SYT7: variants seen among roughly 807,000 people sequenced by gnomAD.
SYT7 encodes synaptotagmin 7.
SYT7 carries 29 observed loss-of-function variants against 75.1 expected under a neutral mutation model. The observed-to-expected ratio is 0.39, with a 90% CI of 0.29 to 0.53. SYT7 has a LOEUF of 0.53. Among genes scored for constraint, SYT7 ranks in the 20% least tolerant of loss-of-function variants. The pLI, the probability that SYT7 is intolerant of heterozygous loss-of-function variation, is 0.77. For synonymous variants in SYT7, 376 were observed against 401.7 expected (o/e 0.94, Z 0.76); for missense variants, 693 against 953.2 (o/e 0.73, Z 3.59).
At chr11:61,519,262 G>A (rs2062235606) in intron 12 of SYT7, among the ~76,000 whole-genome samples, 1 of 152,252 alleles carries the variant, frequency 6.6e-6, no homozygotes, top group African/African-American at 2.4e-5. Context: ...GTTTATAAGT[G>A]GTGCAGAGGG....
rs773040561 is a variant in SYT7, at chr11:61,546,689, G to A, written c.348-434C>T. Reference sequence around the variant, plus strand: ...CCAGGCCAGGAGGCCCCAAGGCAGGGAGAAAGAGAAAGCCGTGTTAGTCAG... The same window carrying A: ...CCAGGCCAGGAGGCCCCAAGGCAGGAAGAAAGAGAAAGCCGTGTTAGTCAG... On this transcript the variant is annotated intron_variant, in intron 4 of 12. Transcript: ENST00000539008. This position sits in a 1 kb window ranked among gnomAD's most constrained non-coding sequence, Gnocchi z 7.6. 4.4e-6 allele frequency: 2 copies of A among 459,552 alleles called. No individual in the cohort carries two copies. The highest frequency in any genetic ancestry group is 8.7e-6 in the Non-Finnish European group (2 of 229,582). The allele number at this position is 459,552 out of a possible 1,614,324, so 28.5% of individuals were successfully genotyped here.
chr11:61,551,461 G>A lies in SYT7; in HGVS notation c.138C>T (p.Gly46=), dbSNP rs753960114. 5 of 1,613,710 alleles carry A rather than the reference G, an allele frequency of 3.1e-6. No homozygotes were observed. In the South Asian group the frequency reaches 4.4e-5, roughly 14 times the overall value. ...TCTCCAAGGAATTCTTGTAGCGTTTGCCCTGTGGAGATAGCACTAGGATCA... is the reference window on the plus strand; with the variant it reads ...TCTCCAAGGAATTCTTGTAGCGTTTACCCTGTGGAGATAGCACTAGGATCA... ...GLCHWCQRKL[G]KRYKNSLETV... Residue 46 remains glycine (G), a splice_region_variant and synonymous_variant, in exon 3 of 13, where the codon GGC becomes GGT. Coordinates refer to ENST00000539008, the MANE Select transcript of SYT7 (RefSeq NM_001365809.2). The surrounding 1 kb of genome is among the most constrained non-coding windows in gnomAD (Gnocchi z 5.3).
In SYT7 at chr11:61,551,516, A is replaced by G; in HGVS notation, c.136-53T>C. The G allele has an allele frequency of 6.4e-7, 1 of 1,563,066 alleles. No individual in the cohort carries two copies. Among genetic ancestry groups the G allele is most frequent in the East Asian group, 2.2e-5 (1 of 44,540 alleles). On this transcript the variant is annotated intron_variant, in intron 2 of 12. Transcript: ENST00000539008. The surrounding 1 kb of genome is among the most constrained non-coding windows in gnomAD (Gnocchi z 5.3). Reference sequence around the variant, plus strand: ...TGGGGAACAGGACTGTACCCTCCCTACCTCCCCAGAACAGGGACCCGGAGG... The same window carrying G: ...TGGGGAACAGGACTGTACCCTCCCTGCCTCCCCAGAACAGGGACCCGGAGG...
intron 9 of SYT7, chr11:61,526,139 G>A (rs572785504): frequency 1.3e-5 from 2 of 152,368 alleles, no homozygotes; most frequent in South Asian, 2.1e-4. Flanking sequence ...AGAGACTCTG[G>A]AAGCACCGAG....
intron 4 of SYT7, 65 bp downstream of exon 4, chr11:61,547,112 G>T: frequency 6.6e-7 from 1 of 1,511,328 alleles, no homozygotes; most frequent in Non-Finnish European, 8.8e-7. Flanking sequence ...GTGGGGGCAG[G>T]AGGAGGGAAG....
At chr11:61,577,854 C>A (rs1413423584) in intron 1 of SYT7, among the ~76,000 whole-genome samples, 1 of 152,206 alleles carries the variant, frequency 6.6e-6, no homozygotes. Flanking sequence ...TACCAGCTCA[C>A]TGCAAGGTCA....
At position 61,517,193 on chromosome 11, in the gene SYT7, C is replaced by A. The variant is rs959829857; in HGVS notation, c.*1434G>T. 3 of 398,412 alleles carry A rather than the reference C, an allele frequency of 7.5e-6. No individual in the cohort carries two copies. The highest frequency in any genetic ancestry group is 1.3e-5 in the Non-Finnish European group (3 of 226,054). 24.7% of individuals were successfully genotyped at this position (398,412 alleles called of 1,614,324 possible). Reference sequence around the variant, plus strand: ...TCACCAGCTGGGTCTTGTATCAATACCAGGACCAGCGTGGGGATGAGAGGG... The same window carrying A: ...TCACCAGCTGGGTCTTGTATCAATAACAGGACCAGCGTGGGGATGAGAGGG... On this transcript the variant is annotated 3_prime_UTR_variant, in exon 13 of 13. Coordinates refer to ENST00000539008, the MANE Select transcript of SYT7 (RefSeq NM_001365809.2).
intron 7 of SYT7, among the ~76,000 whole-genome samples, chr11:61,534,143 C>T (rs916467647): frequency 6.6e-6 from 1 of 152,248 alleles, no homozygotes. Context: ...GAGGAGGAGA[C>T]GGGGGACCAG....
intron 1 of SYT7, among the ~76,000 whole-genome samples, chr11:61,563,533 G>A (rs149802328): frequency 2.6e-5 from 4 of 152,314 alleles, no homozygotes; most frequent in East Asian, 1.9e-4. Context: ...GGGAATAATA[G>A]GTGCTTGAGC....
chr11:61,529,083 C>G (rs1163556437), intron 8 of SYT7, among the ~76,000 whole-genome samples: 2 of 152,130 alleles, frequency 1.3e-5, no homozygotes, highest in African/African-American at 4.8e-5. Context: ...CTACCCACCC[C>G]CCAGCCGCCT....
chr11:61,539,131 A>C (rs1565181122), intron 6 of SYT7, among the ~76,000 whole-genome samples: 2 of 152,320 alleles, frequency 1.3e-5, no homozygotes, highest in East Asian at 3.9e-4. Flanking sequence ...AAAGTGCAGG[A>C]ACTTGGCAAG....
chr11:61,562,677 C>G (rs977400663), intron 1 of SYT7, among the ~76,000 whole-genome samples: 12 of 152,146 alleles, frequency 7.9e-5, no homozygotes, highest in Non-Finnish European at 1.8e-4. Context: ...CTCCCAGGAC[C>G]TGCAGGGCTT....
chr11:61,546,348 A>C lies in SYT7; in HGVS notation c.348-93T>G. Reference sequence around the variant, plus strand: ...GCCATACGTGGGGGTCGGGGGGTGGAAGAGGAAGAAAAACAATAACAGATA... The same window carrying C: ...GCCATACGTGGGGGTCGGGGGGTGGCAGAGGAAGAAAAACAATAACAGATA... On this transcript the variant is annotated intron_variant, in intron 4 of 12. Coordinates refer to ENST00000539008, the MANE Select transcript of SYT7 (RefSeq NM_001365809.2). This position sits in a 1 kb window ranked among gnomAD's most constrained non-coding sequence, Gnocchi z 7.6. 2.5e-6 allele frequency: 2 copies of C among 784,404 alleles called. No individual in the cohort carries two copies. The highest frequency in any genetic ancestry group is 3.8e-6 in the Non-Finnish European group (2 of 521,016). The allele number at this position is 784,404 out of a possible 1,614,324, so 48.6% of individuals were successfully genotyped here. A position where few individuals can be genotyped will look rare whatever the true frequency, so the allele number is the denominator to read the frequency against.
rs556181234 is a variant in SYT7, at chr11:61,574,264, CCAT to C, written c.31+6523_31+6525del. Among the ~76,000 whole-genome samples, 753 of 152,272 alleles carry C rather than the reference CCAT, an allele frequency of 4.9e-3. 3 individuals carry two copies. The highest frequency in any genetic ancestry group is 8.0e-3 in the Non-Finnish European group (543 of 68,034). On this transcript the variant is annotated intron_variant, in intron 1 of 12. Coordinates refer to ENST00000539008, the MANE Select transcript of SYT7 (RefSeq NM_001365809.2). ...CTTCCAACCGCCTGGGAGGTAAGAACCATCATCATACCCATTTAACAGAAGAGG... is the reference window on the plus strand; with the variant it reads ...CTTCCAACCGCCTGGGAGGTAAGAACCATCATACCCATTTAACAGAAGAGG...
In SYT7 at chr11:61,518,616, C is replaced by T. The variant is rs189778032; in HGVS notation, c.*11G>A. 183 of 1,536,650 alleles carry T rather than the reference C, an allele frequency of 1.2e-4. No individual in the cohort carries two copies. In the African/African-American group the frequency reaches 2.0e-3, roughly 17 times the overall value. ...TGGGCCCTCGGCCCCCTGGGCCTCC[C>T]TTGGCCCCACTCAGGCCTTCAGCTG... On this transcript the variant is annotated 3_prime_UTR_variant, in exon 13 of 13. Transcript: ENST00000539008.
In SYT7 at chr11:61,546,434, A is replaced by G; in HGVS notation, c.348-179T>C. On this transcript the variant is annotated intron_variant, in intron 4 of 12. Transcript: ENST00000539008. The surrounding 1 kb of genome is among the most constrained non-coding windows in gnomAD (Gnocchi z 7.6). ...AGAGACAGACGGACATGAGACAGAC[A>G]GAGAGAGAGAGAGAGACATCAGCAC... 1.6e-5 allele frequency: 4 copies of G among 253,708 alleles called. No homozygotes were observed. Among genetic ancestry groups the G allele is most frequent in the Non-Finnish European group, 3.1e-5 (4 of 131,022 alleles). The allele number at this position is 253,708 out of a possible 1,614,324, so 15.7% of individuals were successfully genotyped here. A position where few individuals can be genotyped will look rare whatever the true frequency, so the allele number is the denominator to read the frequency against.
intron 2 of SYT7, among the ~76,000 whole-genome samples, chr11:61,554,697 T>C (rs2063446393): frequency 1.3e-5 from 2 of 152,130 alleles, no homozygotes; most frequent in Admixed American, 1.3e-4. Flanking sequence ...CAGAGGCACA[T>C]GGCCCAGCCT....
chr11:61,559,764 G>C (rs1007233729), intron 1 of SYT7, among the ~76,000 whole-genome samples: 1 of 152,182 alleles, frequency 6.6e-6, no homozygotes, highest in Non-Finnish European at 1.5e-5. Context: ...AGGTCAGAGA[G>C]TCCCTAGGGA....
At chr11:61,578,710 C>T (rs1198784316) in intron 1 of SYT7, among the ~76,000 whole-genome samples, 2 of 152,092 alleles carry the variant, frequency 1.3e-5, no homozygotes, top group Admixed American at 1.3e-4. Context: ...TCAAGGACCC[C>T]AGATGACTAG....
Sources: allele counts gnomAD v4.1 joint callset (sites outside exome capture counted in the v4.1 genomes callset), GRCh38; gene constraint gnomAD v4.1.1; non-coding constraint Gnocchi (gnomAD v3.1); transcripts MANE v1.5; gene names NCBI Gene and HGNC (gene_info 2026-07-23, HGNC 2026-07-21).